The following LGR5 variants were observed in gnomAD, a reference collection of about 807,000 sequenced individuals.
LGR5 encodes leucine-rich repeat-containing G protein-coupled receptor 5.
A neutral mutation model predicts 76.7 loss-of-function variants in LGR5; 54 were observed. That is an observed-to-expected ratio of 0.70 (90% confidence interval 0.57 to 0.88). The LOEUF is 0.88. LGR5 is among the 40% of genes least tolerant of loss of function. The pLI is 0.00. For missense variants in LGR5, 1,078 were observed against 1,073.3 expected (o/e 1.00, Z -0.06); for synonymous variants, 406 against 421.9 (o/e 0.96, Z 0.46).
chr12:71,559,022 C>A (rs1877920507), intron 6 of LGR5, among the ~76,000 whole-genome samples: 1 of 152,140 alleles, frequency 6.6e-6, no homozygotes, highest in East Asian at 1.9e-4. Context: ...GACCAAATGT[C>A]CTTTCTGAGA....
chr12:71,439,703 C>G (rs996693715), upstream of LGR5: 1 of 211,812 alleles, frequency 4.7e-6, no homozygotes, highest in Non-Finnish European at 9.2e-6. Context: ...TGGGGCCGGG[C>G]GGGGGGTGCC....
chr12:71,498,285 A>T (rs2137292961), intron 1 of LGR5, among the ~76,000 whole-genome samples: 1 of 152,334 alleles, frequency 6.6e-6, no homozygotes, highest in Middle Eastern at 3.4e-3. Flanking sequence ...AGAGTTCTAT[A>T]CCTCATGCTC....
At chr12:71,525,183 A>C (rs1875930976) in intron 3 of LGR5, among the ~76,000 whole-genome samples, 1 of 152,166 alleles carries the variant, frequency 6.6e-6, no homozygotes, top group African/African-American at 2.4e-5. Context: ...TCAGAAAAAA[A>C]ATCCTGATTT....
In LGR5 at chr12:71,523,733, T is replaced by C. The variant is rs373670572; in HGVS notation, c.285-673T>C. 1.2e-4 allele frequency among the ~76,000 whole-genome samples: 19 copies of C among 152,332 alleles called. No individual in the cohort carries two copies. In the South Asian group the frequency reaches 2.7e-3, roughly 22 times the overall value. ...ACAATTTTTCACCTTGGCTATCTTC[T>C]ACTTAGAAAAATATTATAAAGTAAA... On this transcript the variant is annotated intron_variant, in intron 2 of 17. Transcript: ENST00000266674.
intron 1 of LGR5, among the ~76,000 whole-genome samples, chr12:71,485,992 C>T (rs890603153): frequency 6.6e-6 from 1 of 152,036 alleles, no homozygotes; most frequent in Non-Finnish European, 1.5e-5. Flanking sequence ...TCTCGAACTC[C>T]TGACCTTGTG....
chr12:71,551,301 A>G (rs1382560105), intron 4 of LGR5, among the ~76,000 whole-genome samples: 1 of 152,280 alleles, frequency 6.6e-6, no homozygotes, highest in Non-Finnish European at 1.5e-5. Flanking sequence ...TGCTTTCTAT[A>G]GAAATGAGCT....
At position 71,566,884 on chromosome 12, in the gene LGR5, T is replaced by G. The variant is rs1157592536; in HGVS notation, c.1042T>G (p.Cys348Gly). ...AQISSLPQTVCNQLPNLQVLD... is the reference protein window; with the variant it reads ...AQISSLPQTVGNQLPNLQVLD... ...GATCTCATCTCTTCCTCAAACCGTC[T>G]GCAATCAGTTACCTAATCTCCAAGT... Residue 348 changes from cysteine (C) to glycine (G), a missense_variant, in exon 11 of 18, where the codon TGC becomes GGC. Cys to Gly is a radical substitution (Grantham distance 159). Coordinates refer to ENST00000266674, the MANE Select transcript of LGR5 (RefSeq NM_003667.4). The G allele has an allele frequency of 6.2e-7, 1 of 1,613,810 alleles. No individual in the cohort carries two copies. The highest frequency in any genetic ancestry group is 1.1e-5 in the South Asian group (1 of 91,076).
Position 71,440,057 on chromosome 12 carries a change from T to C in LGR5, c.-24T>C. ...GTGCTGCTCTCCGCCCGCGTCCGGC[T>C]CGTGGCCCCCTACTTCGGGCACCAT... On this transcript the variant is annotated 5_prime_UTR_variant, in exon 1 of 18. Transcript: ENST00000266674. This position sits in a 1 kb window ranked among gnomAD's most constrained non-coding sequence, Gnocchi z 5.3. The C allele has an allele frequency of 6.3e-7, 1 of 1,596,682 alleles. No homozygotes were observed. The highest frequency in any genetic ancestry group is 1.7e-5 in the Admixed American group (1 of 59,976).
intron 8 of LGR5, among the ~76,000 whole-genome samples, chr12:71,564,724 CATATATGTACACACACTGTATATATAT>C (rs1878242262): frequency 7.4e-6 from 1 of 135,878 alleles, no homozygotes; most frequent in African/African-American, 2.7e-5. Context: ...TACATATATA[CATATATGTACACACACTGTATATATAT>C]ACATATATAC....
chr12:71,524,298 T>G (rs7980959), intron 2 of LGR5, 108 bp from the exon 3 acceptor site: 68,616 of 716,988 alleles, frequency 0.096, 3,652 homozygotes, highest in South Asian at 0.11. Flanking sequence ...TACAGTTGCT[T>G]TTGATATTTG....
At chr12:71,543,452 A>G (rs957144366) in intron 4 of LGR5, among the ~76,000 whole-genome samples, 3 of 152,172 alleles carry the variant, frequency 2.0e-5, no homozygotes, top group African/African-American at 7.2e-5. Context: ...GGCAGTGGGT[A>G]GGGGATGCTC....
intron 2 of LGR5, among the ~76,000 whole-genome samples, chr12:71,516,780 T>C (rs1467428060): frequency 2.6e-5 from 4 of 152,202 alleles, no homozygotes; most frequent in Non-Finnish European, 5.9e-5. Context: ...CTATTTTCTC[T>C]TGTAACTTAA....
intron 2 of LGR5, among the ~76,000 whole-genome samples, chr12:71,506,964 G>T (rs1488460973): frequency 6.6e-6 from 1 of 151,886 alleles, no homozygotes; most frequent in African/African-American, 2.4e-5. Flanking sequence ...GTTTCTGTTA[G>T]ACATATGCTT....
At chr12:71,543,366 G>A (rs1010609289) in intron 4 of LGR5, among the ~76,000 whole-genome samples, 5 of 152,094 alleles carry the variant, frequency 3.3e-5, no homozygotes, top group Admixed American at 2.6e-4. Context: ...TCTCAACTGA[G>A]GACTCCCCAT....
At chr12:71,521,086 T>C (rs578144293) in intron 2 of LGR5, among the ~76,000 whole-genome samples, 2 of 152,354 alleles carry the variant, frequency 1.3e-5, no homozygotes, top group Admixed American at 1.3e-4. Context: ...CAACATGCGA[T>C]GTCTGTGATA....
intron 1 of LGR5, among the ~76,000 whole-genome samples, chr12:71,443,590 C>G (rs1871858316): frequency 6.6e-6 from 1 of 152,136 alleles, no homozygotes; most frequent in Non-Finnish European, 1.5e-5. Flanking sequence ...GTGATCTGTC[C>G]TAAATAAAGT....
intron 4 of LGR5, among the ~76,000 whole-genome samples, chr12:71,538,162 C>T (rs1429785781): frequency 6.6e-6 from 1 of 152,116 alleles, no homozygotes; most frequent in African/African-American, 2.4e-5. Flanking sequence ...ACACTGGCTA[C>T]AAATAAGATT....
At chr12:71,554,572 T>C (rs1465420298) in intron 5 of LGR5, among the ~76,000 whole-genome samples, 1 of 152,224 alleles carries the variant, frequency 6.6e-6, no homozygotes, top group African/African-American at 2.4e-5. Context: ...AGAAAAAGAC[T>C]GTTATCATTT....
At chr12:71,524,301 G>T (rs1875871416) in intron 2 of LGR5, 105 bp from the exon 3 acceptor site, 1 of 708,554 alleles carries the variant, frequency 1.4e-6, no homozygotes, top group South Asian at 2.7e-5. Flanking sequence ...AGTTGCTTTT[G>T]ATATTTGTGG....
Sources: allele counts gnomAD v4.1 joint callset (sites outside exome capture counted in the v4.1 genomes callset), GRCh38; gene constraint gnomAD v4.1.1; non-coding constraint Gnocchi (gnomAD v3.1); transcripts MANE v1.5; gene names NCBI Gene and HGNC (gene_info 2026-07-23, HGNC 2026-07-21).